Variants in PRKD3 observed in about 807,000 individuals in gnomAD.
PRKD3 encodes protein kinase D3.
PRKD3 carries 47 observed loss-of-function variants against 99.2 expected under a neutral mutation model. That is an observed-to-expected ratio of 0.47 (90% CI 0.38 to 0.60). The LOEUF (loss-of-function observed/expected upper bound fraction) is 0.60, where lower values mean the gene tolerates loss of function less well. Among genes scored for constraint, PRKD3 ranks in the 20% least tolerant of loss-of-function variants. The probability of loss-of-function intolerance (pLI) is 0.00; values close to 1 mark genes in which losing one functional copy is unlikely to be tolerated. For synonymous variants in PRKD3, 392 were observed against 355.4 expected, an observed-to-expected ratio of 1.10 and a Z score of -1.16; for missense variants, 1,019 against 1,088.4, an observed-to-expected ratio of 0.94 and a Z score of 0.90.
chr2:37,322,431 A>G (rs1408881196), intron 1 of PRKD3, among the ~76,000 whole-genome samples: 2 of 152,206 alleles, frequency 1.3e-5, no homozygotes, highest in Non-Finnish European at 2.9e-5. Context: ...GACCAGTGAC[A>G]GTTGAATCTC....
At chr2:37,285,967 C>T (rs1035581920) in intron 6 of PRKD3, among the ~76,000 whole-genome samples, 3 of 152,178 alleles carry the variant, frequency 2.0e-5, no homozygotes, top group Non-Finnish European at 4.4e-5. Context: ...TACTGTTCTA[C>T]TATAGTGCCT....
chr2:37,256,335 C>T (rs533879035), intron 17 of PRKD3, among the ~76,000 whole-genome samples: 1 of 152,006 alleles, frequency 6.6e-6, no homozygotes. Context: ...GTAATGTTTC[C>T]TGAAGATAGA....
chr2:37,283,454 A>T (rs1669947397), intron 6 of PRKD3, among the ~76,000 whole-genome samples: 1 of 152,220 alleles, frequency 6.6e-6, no homozygotes, highest in Non-Finnish European at 1.5e-5. Flanking sequence ...GTGAGTCAAG[A>T]AAATCCTGGG....
chr2:37,261,649 G>A (rs1446760955), intron 14 of PRKD3, among the ~76,000 whole-genome samples: 2 of 143,120 alleles, frequency 1.4e-5, no homozygotes, highest in South Asian at 2.2e-4. Flanking sequence ...GTGTGGTGGC[G>A]CAAGCCTGTA....
chr2:37,293,627 T>C (rs1670545892), intron 2 of PRKD3, among the ~76,000 whole-genome samples: 1 of 152,226 alleles, frequency 6.6e-6, no homozygotes, highest in East Asian at 1.9e-4. Flanking sequence ...CCTTAGGACA[T>C]GCTGCTCTAA....
intron 2 of PRKD3, among the ~76,000 whole-genome samples, chr2:37,303,348 C>A (rs761976753): frequency 2.6e-5 from 4 of 152,138 alleles, no homozygotes; most frequent in African/African-American, 4.8e-5. Flanking sequence ...CCAAAAAAGG[C>A]TGTTGCATAG....
At chr2:37,288,695 C>A (rs776689862) in intron 5 of PRKD3, among the ~76,000 whole-genome samples, 5 of 152,182 alleles carry the variant, frequency 3.3e-5, no homozygotes, top group Non-Finnish European at 4.4e-5. Context: ...ATTCCACTAT[C>A]TCTTACTAAT....
At chr2:37,307,185 C>T (rs1558575327) in intron 2 of PRKD3, among the ~76,000 whole-genome samples, 1 of 152,152 alleles carries the variant, frequency 6.6e-6, no homozygotes, top group East Asian at 1.9e-4. Context: ...AAAATCTCAT[C>T]AGATGAAAAC....
At chr2:37,316,088 T>G in intron 2 of PRKD3, 149 bp downstream of exon 2, 1 of 800,578 alleles carries the variant, frequency 1.2e-6, no homozygotes, top group African/African-American at 1.8e-5. Context: ...ATTTCAGTCT[T>G]TAGCCTCAGA....
chr2:37,320,754 A>G (rs1009065575), intron 1 of PRKD3, among the ~76,000 whole-genome samples: 9 of 152,148 alleles, frequency 5.9e-5, no homozygotes. Context: ...TTCTACTTTG[A>G]TGAATGTCTT....
rs73927429 is a variant in PRKD3 at position 37,268,710 on chromosome 2, G to T, written c.1777+905C>A. The T allele has an allele frequency of 1.5e-3, 255 of 173,394 alleles. 1 individual carries two copies. The highest frequency in any genetic ancestry group is 5.8e-3 in the African/African-American group (241 of 41,818). 10.7% of individuals were successfully genotyped at this position (173,394 alleles called of 1,614,324 possible). A position where few individuals can be genotyped will look rare whatever the true frequency, so the allele number is the denominator to read the frequency against. ...GTGCACTAGAAGAGACAAAGGGATG[G>T]AGAAGGAGCAGAGAGGCAAAGGGTA... On this transcript the variant is annotated intron_variant, in intron 13 of 18. Transcript: ENST00000234179.
intron 11 of PRKD3, among the ~76,000 whole-genome samples, chr2:37,272,896 T>A (rs756465252): frequency 1.3e-5 from 2 of 151,116 alleles, no homozygotes; most frequent in Admixed American, 6.6e-5. Context: ...GACAGGAGGA[T>A]CTGAGCCCTG....
chr2:37,312,704 G>C (rs960437034), intron 2 of PRKD3, among the ~76,000 whole-genome samples: 1 of 152,152 alleles, frequency 6.6e-6, no homozygotes, highest in African/African-American at 2.4e-5. Flanking sequence ...TCAGGTATAA[G>C]TAACAGCGCT....
At chr2:37,267,589 G>T (rs879311310) in intron 13 of PRKD3, 53 bp from the exon 14 acceptor site, 1 of 1,298,524 alleles carries the variant, frequency 7.7e-7, no homozygotes, top group Non-Finnish European at 1.1e-6. Context: ...AGCTTTATTA[G>T]GGAGTTGTCC....
chr2:37,320,223 G>C (rs957830571), intron 1 of PRKD3, among the ~76,000 whole-genome samples: 5 of 152,096 alleles, frequency 3.3e-5, no homozygotes, highest in African/African-American at 9.7e-5. Context: ...ATAGAAATGA[G>C]ATTCAAACTA....
intron 14 of PRKD3, among the ~76,000 whole-genome samples, chr2:37,266,816 C>A (rs915741765): frequency 2.0e-5 from 3 of 152,080 alleles, no homozygotes; most frequent in Non-Finnish European, 4.4e-5. Context: ...ACCATGATTT[C>A]TTTAATAATA....
intron 2 of PRKD3, among the ~76,000 whole-genome samples, chr2:37,302,458 G>A (rs963658031): frequency 1.3e-5 from 2 of 152,138 alleles, no homozygotes; most frequent in African/African-American, 2.4e-5. Flanking sequence ...AACCATTTTA[G>A]ACGTTATTTT....
At chr2:37,299,782 A>G (rs1206996559) in intron 2 of PRKD3, among the ~76,000 whole-genome samples, 14 of 152,220 alleles carry the variant, frequency 9.2e-5, no homozygotes, top group Admixed American at 9.2e-4. Flanking sequence ...TGGTATATGA[A>G]AAGATACTCA....
rs56389006 is a variant in PRKD3, at chr2:37,256,628, ATTTTTTTTTTTTTTTT to A, written c.2413+18_2413+33del. The A allele has an allele frequency of 1.1e-3, 1,358 of 1,202,276 alleles. 2 individuals carry two copies. Among genetic ancestry groups the A allele is most frequent in the Non-Finnish European group, 1.4e-3 (1,311 of 928,152 alleles). 74.5% of individuals were successfully genotyped at this position (1,202,276 alleles called of 1,614,324 possible). A position where few individuals can be genotyped will look rare whatever the true frequency, so the allele number is the denominator to read the frequency against. ...TTTAGGCTTAAAACACATAGCCAAA[ATTTTTTTTTTTTTTTT>A]TTTTTTTTTTTTTTTACCTTCACCA... On this transcript the variant is annotated intron_variant, in intron 17 of 18. Transcript: ENST00000234179.
Sources: allele counts gnomAD v4.1 joint callset (sites outside exome capture counted in the v4.1 genomes callset), GRCh38; gene constraint gnomAD v4.1.1; transcripts MANE v1.5; gene names NCBI Gene and HGNC (gene_info 2026-07-23, HGNC 2026-07-21).